The following PPFIA2 variants were observed in gnomAD, a reference collection of about 807,000 sequenced individuals.
PPFIA2 encodes PPFI scaffold protein A2, also known as liprin-alpha-2.
Under a neutral mutation model 175.5 loss-of-function variants are expected in PPFIA2, and 46 were observed. That is an observed-to-expected ratio of 0.26 (90% CI 0.21 to 0.34). The LOEUF (loss-of-function observed/expected upper bound fraction) is 0.34, where lower values mean the gene tolerates loss of function less well. Among genes scored for constraint, PPFIA2 ranks in the 10% least tolerant of loss-of-function variants. The probability of loss-of-function intolerance (pLI) is 1.00; values close to 1 mark genes in which losing one functional copy is unlikely to be tolerated. For synonymous variants in PPFIA2, 568 were observed against 511.4 expected (o/e 1.11, Z -1.49); for missense variants, 1,179 against 1,506.1 (o/e 0.78, Z 3.60).
intron 4 of PPFIA2, among the ~76,000 whole-genome samples, chr12:81,662,731 T>G (rs960733431): frequency 6.6e-6 from 1 of 152,114 alleles, no homozygotes; most frequent in Non-Finnish European, 1.5e-5. Flanking sequence ...TACCAAAGCC[T>G]GGCAGAGACA....
chr12:81,469,435 G>A lies in PPFIA2; in HGVS notation c.304-11569C>T, dbSNP rs1374940713. ...AAACGCTGTGATGGGGTTATATCCA[G>A]GGTGCCCCGCATGCACCCCTGTAGG... On this transcript the variant is annotated intron_variant, in intron 4 of 32. Coordinates refer to ENST00000549396, the MANE Select transcript of PPFIA2 (RefSeq NM_003625.5). Among the ~76,000 whole-genome samples the A allele has an allele frequency of 2.6e-5, 4 of 152,316 alleles. No homozygotes were observed. In the East Asian group the frequency reaches 7.7e-4, roughly 29 times the overall value.
intron 4 of PPFIA2, among the ~76,000 whole-genome samples, chr12:81,469,687 C>T (rs1320511886): frequency 1.3e-5 from 2 of 152,156 alleles, no homozygotes; most frequent in Non-Finnish European, 2.9e-5. Context: ...AATGTGACGC[C>T]AAAAGCTCAT....
intron 4 of PPFIA2, among the ~76,000 whole-genome samples, chr12:81,634,938 A>G (rs990840963): frequency 6.6e-6 from 1 of 151,084 alleles, no homozygotes; most frequent in Admixed American, 6.5e-5. Flanking sequence ...CTAACTTCCA[A>G]CATATCTTCA....
At chr12:81,714,438 C>A (rs73151308) in intron 3 of PPFIA2, among the ~76,000 whole-genome samples, 2 of 150,570 alleles carry the variant, frequency 1.3e-5, no homozygotes, top group South Asian at 2.1e-4. Flanking sequence ...AAGTTATAAA[C>A]ATTTTAGGCT....
At position 81,506,267 on chromosome 12, in the gene PPFIA2, T is replaced by G. The variant is rs190430738; in HGVS notation, c.304-48401A>C. On this transcript the variant is annotated intron_variant, in intron 4 of 32. Coordinates refer to ENST00000549396, the MANE Select transcript of PPFIA2 (RefSeq NM_003625.5). Reference sequence around the variant, plus strand: ...ATTCCATTAGAATACTTCTTTTCTTTCTTGTCTGCCTGAAAATTTTGCAAG... The same window carrying G: ...ATTCCATTAGAATACTTCTTTTCTTGCTTGTCTGCCTGAAAATTTTGCAAG... Among the ~76,000 whole-genome samples, 138 of 152,310 alleles carry G rather than the reference T, an allele frequency of 9.1e-4. 1 individual carries two copies. The highest frequency in any genetic ancestry group is 3.3e-3 in the African/African-American group (137 of 41,564).
At chr12:81,619,310 G>A (rs942368213) in intron 4 of PPFIA2, among the ~76,000 whole-genome samples, 2 of 152,176 alleles carry the variant, frequency 1.3e-5, no homozygotes, top group African/African-American at 4.8e-5. Context: ...AATCATACAC[G>A]TTAGATATGT....
rs549303152 is a variant in PPFIA2, at chr12:81,584,021, T to G, written c.303+92770A>C. Among the ~76,000 whole-genome samples, 126 of 152,066 alleles carry G rather than the reference T, an allele frequency of 8.3e-4. 1 individual carries two copies. Among genetic ancestry groups the G allele is most frequent in the African/African-American group, 2.9e-3 (121 of 41,546 alleles). On this transcript the variant is annotated intron_variant, in intron 4 of 32. Transcript: ENST00000549396. Reference sequence around the variant, plus strand: ...CTCAATTGACACATTTAGAATTAACTGATTCTTTTAGCACAATATAACTGC... The same window carrying G: ...CTCAATTGACACATTTAGAATTAACGGATTCTTTTAGCACAATATAACTGC...
chr12:81,471,617 T>A (rs910138120), intron 4 of PPFIA2, among the ~76,000 whole-genome samples: 1 of 152,156 alleles, frequency 6.6e-6, no homozygotes, highest in Non-Finnish European at 1.5e-5. Context: ...GGGGTGCAGA[T>A]GTTTCTTCAA....
At chr12:81,699,741 C>T (rs893862976) in intron 3 of PPFIA2, among the ~76,000 whole-genome samples, 2 of 151,948 alleles carry the variant, frequency 1.3e-5, no homozygotes, top group African/African-American at 2.4e-5. Flanking sequence ...CAATTATTCT[C>T]TCTGAATACA....
intron 4 of PPFIA2, among the ~76,000 whole-genome samples, chr12:81,510,343 C>T (rs1879800): frequency 0.73 from 111,425 of 151,894 alleles, 41,769 homozygotes; most frequent in East Asian, 0.95. Flanking sequence ...TGTCTTCATA[C>T]TAACTTTTCC....
chr12:81,608,378 C>A (rs1366562053), intron 4 of PPFIA2, among the ~76,000 whole-genome samples: 5 of 152,038 alleles, frequency 3.3e-5, no homozygotes, highest in Admixed American at 2.6e-4. Context: ...GGTACCAGTT[C>A]TTCTTTATAG....
At chr12:81,457,092 G>A (rs1461786619) in intron 5 of PPFIA2, among the ~76,000 whole-genome samples, 1 of 151,458 alleles carries the variant, frequency 6.6e-6, no homozygotes, top group African/African-American at 2.4e-5. Flanking sequence ...TGCAGCCTCT[G>A]CCTCCCAGGC....
chr12:81,428,784 T>A (rs2047590958), intron 7 of PPFIA2, among the ~76,000 whole-genome samples: 1 of 152,038 alleles, frequency 6.6e-6, no homozygotes, highest in Non-Finnish European at 1.5e-5. Context: ...ATGATACATT[T>A]CCAACAGGAA....
At chr12:81,432,463 CTTTTTTT>C (rs545183498) in intron 7 of PPFIA2, among the ~76,000 whole-genome samples, 2 of 132,802 alleles carry the variant, frequency 1.5e-5, no homozygotes, top group Non-Finnish European at 3.2e-5. Context: ...GCAGAACTAA[CTTTTTTT>C]TTTTTTTTTT....
chr12:81,594,294 T>C (rs2059008468), intron 4 of PPFIA2, among the ~76,000 whole-genome samples: 1 of 152,168 alleles, frequency 6.6e-6, no homozygotes, highest in South Asian at 2.1e-4. Flanking sequence ...TCCAAACCTA[T>C]AGTAAAGTTT....
intron 4 of PPFIA2, among the ~76,000 whole-genome samples, chr12:81,474,681 C>T (rs941001312): frequency 1.1e-4 from 16 of 152,310 alleles, no homozygotes; most frequent in Middle Eastern, 3.4e-3. Context: ...AACTTAACTG[C>T]TGTGAAATAT....
chr12:81,629,370 CAAT>C (rs1339930711), intron 4 of PPFIA2, among the ~76,000 whole-genome samples: 2 of 151,924 alleles, frequency 1.3e-5, no homozygotes, highest in African/African-American at 4.8e-5. Context: ...TTCAGTAAAT[CAAT>C]AATTAGTCTT....
At chr12:81,333,966 C>G (rs527890465) in intron 21 of PPFIA2, among the ~76,000 whole-genome samples, 2 of 152,282 alleles carry the variant, frequency 1.3e-5, no homozygotes, top group South Asian at 4.1e-4. Context: ...TTCCAGCACT[C>G]AGGCCCCATT....
rs2072076086 is a variant in PPFIA2 at position 81,569,570 on chromosome 12, A to AG, written c.303+107220_303+107221insC. Reference sequence around the variant, plus strand: ...TTTTTCAAAATGCATTCATTGAAAAACATTTATAACAATAATATTACACTG... The same window carrying AG: ...TTTTTCAAAATGCATTCATTGAAAAAGCATTTATAACAATAATATTACACTG... On this transcript the variant is annotated intron_variant, in intron 4 of 32. Coordinates refer to ENST00000549396, the MANE Select transcript of PPFIA2 (RefSeq NM_003625.5). Among the ~76,000 whole-genome samples the AG allele has an allele frequency of 2.6e-5, 4 of 152,286 alleles. No homozygotes were observed. The South Asian group carries it at 8.3e-4, about 32-fold the overall frequency.
Sources: allele counts gnomAD v4.1 joint callset (sites outside exome capture counted in the v4.1 genomes callset), GRCh38; gene constraint gnomAD v4.1.1; transcripts MANE v1.5; gene names NCBI Gene and HGNC (gene_info 2026-07-23, HGNC 2026-07-21).